The following EPCAM variants were observed in gnomAD, a reference collection of about 807,000 sequenced individuals.
EPCAM encodes the protein adenocarcinoma-associated antigen.
Under a neutral mutation model 40.0 loss-of-function variants are expected in EPCAM, and 39 were observed. The observed-to-expected ratio is 0.98, with a 90% CI of 0.76 to 1.27. The LOEUF (loss-of-function observed/expected upper bound fraction) is 1.27. Ranked by LOEUF, EPCAM falls within the 50% of genes most tolerant of loss-of-function variation. The pLI is 0.00. For synonymous variants in EPCAM, 168 were observed against 132.3 expected (o/e 1.27, Z -1.85); for missense variants, 503 against 381.2 (o/e 1.32, Z -2.66).
At chr2:47,380,887 G>A (rs1174732081) in intron 7 of EPCAM, among the ~76,000 whole-genome samples, 4 of 151,744 alleles carry the variant, frequency 2.6e-5, no homozygotes, top group Admixed American at 2.0e-4. Context: ...TCAGAAGTTC[G>A]AGACCAGCCT....
chr2:47,371,299 C>T (rs1463632791), intron 1 of EPCAM, among the ~76,000 whole-genome samples: 1 of 151,966 alleles, frequency 6.6e-6, no homozygotes, highest in Non-Finnish European at 1.5e-5. Context: ...CTCCGTCTGT[C>T]GTTCAGCCTG....
Position 47,376,313 on chromosome 2 carries a change from A to G in EPCAM, c.492-701A>G, listed in dbSNP as rs138150324. Among the ~76,000 whole-genome samples, 459 of 147,086 alleles carry G rather than the reference A, an allele frequency of 3.1e-3. 22 individuals are homozygous for G. The East Asian group carries it at 0.083, about 27-fold the overall frequency. On this transcript the variant is annotated intron_variant, in intron 4 of 8. Transcript: ENST00000263735. ...CTTTTGTTGCCCAGGCTGGAGTGCA[A>G]TGGTGCAATCACGGCTCACCGCAAC...
chr2:47,382,852 A>G (rs901666916), intron 7 of EPCAM, among the ~76,000 whole-genome samples: 3 of 152,194 alleles, frequency 2.0e-5, no homozygotes, highest in Non-Finnish European at 2.9e-5. Context: ...TGATGTTGAT[A>G]CAAGCTGTGC....
intron 7 of EPCAM, among the ~76,000 whole-genome samples, chr2:47,380,296 A>G (rs1304977970): frequency 1.3e-5 from 2 of 152,150 alleles, no homozygotes; most frequent in South Asian, 2.1e-4. Flanking sequence ...CAGCCTGGGC[A>G]ACACAGCAGG....
At chr2:47,380,175 A>T (rs1671551444) in intron 7 of EPCAM, among the ~76,000 whole-genome samples, 1 of 151,924 alleles carries the variant, frequency 6.6e-6, no homozygotes, top group Admixed American at 6.6e-5. Context: ...AATTAGTCAG[A>T]TGTGATGGCT....
In EPCAM at chr2:47,377,078, G is replaced by A; in HGVS notation, c.555+1G>A. ...TCCAAAATTTATCACGAGTATTTTG[G>A]TATGATTTTTTAATAAGTGAGCTTT... On this transcript the variant is annotated splice_donor_variant, in intron 5 of 8. Transcript: ENST00000263735. LOFTEE classifies it high-confidence loss of function. 6.3e-7 allele frequency: 1 copy of A among 1,597,778 alleles called. No individual in the cohort carries two copies. The highest frequency in any genetic ancestry group is 8.6e-7 in the Non-Finnish European group (1 of 1,165,136).
Position 47,378,381 on chromosome 2 carries a change from G to T in EPCAM, c.556-572G>T, listed in dbSNP as rs372827799. ...CAATGGCGCCATCTCGGCTCACCAC[G>T]ACTTTTGCCTCCCAGGTTCAAGCGA... On this transcript the variant is annotated intron_variant, in intron 5 of 8. Transcript: ENST00000263735. 5.6e-5 allele frequency among the ~76,000 whole-genome samples: 8 copies of T among 142,664 alleles called. No individual in the cohort carries two copies. In the East Asian group the frequency reaches 1.3e-3, roughly 23 times the overall value. 93.6% of individuals were successfully genotyped at this position (142,664 alleles called of 152,430 possible). A position where few individuals can be genotyped will look rare whatever the true frequency, so the allele number is the denominator to read the frequency against.
In EPCAM at chr2:47,373,494, A is replaced by C. The variant is rs201251927; in HGVS notation, c.108A>C (p.Val36=). The change falls in exon 2 of 9, where the codon GTA becomes GTC. Residue 36 remains valine, a synonymous_variant. Transcript: ENST00000263735. ...TCTGTGAAAACTACAAGCTGGCCGT[A>C]AACTGCTTTGTGAATAATAATCGTC... ...ECVCENYKLA[V]NCFVNNNRQC... The C allele has an allele frequency of 5.6e-6, 9 of 1,613,350 alleles. No individual in the cohort carries two copies. In the African/African-American group the frequency reaches 1.2e-4, roughly 22 times the overall value.
chr2:47,378,641 T>A (rs1031783778), intron 5 of EPCAM, among the ~76,000 whole-genome samples: 3 of 152,170 alleles, frequency 2.0e-5, no homozygotes, highest in Admixed American at 2.0e-4. Flanking sequence ...TTAAAGTAGT[T>A]CTAATCCAAA....
chr2:47,373,762 A>T (rs770646982), intron 2 of EPCAM, 46 bp from the exon 3 acceptor site: 2 of 1,612,942 alleles, frequency 1.2e-6, no homozygotes, highest in Admixed American at 3.3e-5. Context: ...TCCCGTAATC[A>T]TGAAATCAGT....
intron 5 of EPCAM, among the ~76,000 whole-genome samples, chr2:47,378,720 AT>A (rs1573399057): frequency 6.6e-6 from 1 of 152,162 alleles, no homozygotes; most frequent in East Asian, 1.9e-4. Flanking sequence ...AAAATTGTAC[AT>A]TGTAATTATG....
Position 47,376,926 on chromosome 2 carries a change from C to A in EPCAM, c.492-88C>A, listed in dbSNP as rs1298913402. On this transcript the variant is annotated intron_variant, in intron 4 of 8. Transcript: ENST00000263735. ...TTTTAACTTTAATGACAGTTTTAGACCCTGAGCTGTCTGCTTAAAGAGTAG... is the reference window on the plus strand; with the variant it reads ...TTTTAACTTTAATGACAGTTTTAGAACCTGAGCTGTCTGCTTAAAGAGTAG... 4.7e-6 allele frequency: 4 copies of A among 858,724 alleles called. No homozygotes were observed. In the African/African-American group the frequency reaches 5.0e-5, roughly 11 times the overall value. 53.2% of individuals were successfully genotyped at this position (858,724 alleles called of 1,614,324 possible). A position where few individuals can be genotyped will look rare whatever the true frequency, so the allele number is the denominator to read the frequency against.
intron 1 of EPCAM, among the ~76,000 whole-genome samples, chr2:47,372,291 A>G (rs1400125129): frequency 6.6e-6 from 1 of 152,148 alleles, no homozygotes; most frequent in African/African-American, 2.4e-5. Flanking sequence ...AGAGCAAGAG[A>G]AGGTGAGGAT....
Position 47,373,444 on chromosome 2 carries a change from T to G in EPCAM, c.77-19T>G, listed in dbSNP as rs767150078. ...AATAGATCCACATTTTAAAGTAGAT[T>G]TTTTTTTTAATTTTCTAGAATGTGT... On this transcript the variant is annotated intron_variant, in intron 1 of 8. Transcript: ENST00000263735. The G allele has an allele frequency of 2.0e-6, 3 of 1,512,874 alleles. No homozygotes were observed. The highest frequency in any genetic ancestry group is 2.7e-6 in the Non-Finnish European group (3 of 1,092,928). 93.7% of individuals were successfully genotyped at this position (1,512,874 alleles called of 1,614,324 possible).
At chr2:47,377,659 C>A in intron 5 of EPCAM, 1 of 302,098 alleles carries the variant, frequency 3.3e-6, no homozygotes, top group South Asian at 3.0e-5. Context: ...CCTGGAGAAC[C>A]TGTCCCTGTG....
Position 47,379,813 on chromosome 2 carries a change from A to C in EPCAM, c.702A>C (p.Thr234=). ...SLFHSKKMDL[T]VNGEQLDLDP... The stretch of plus-strand genomic sequence containing the variant: ...TTCATTCTAAGAAAATGGACCTGAC[A>C]GTAAATGGGGAACAACTGGATCTGG... Residue 234 remains threonine, a synonymous_variant, in exon 7 of 9, where the codon ACA becomes ACC. Transcript: ENST00000263735. 6.2e-7 allele frequency: 1 copy of C among 1,614,010 alleles called. No individual in the cohort carries two copies.
chr2:47,386,143 A>G (rs1043640514), intron 8 of EPCAM, among the ~76,000 whole-genome samples: 1 of 152,196 alleles, frequency 6.6e-6, no homozygotes, highest in East Asian at 1.9e-4. Flanking sequence ...TTGTCAACAG[A>G]GTGGTAGTTG....
intron 7 of EPCAM, among the ~76,000 whole-genome samples, chr2:47,382,429 A>G (rs1274147227): frequency 1.3e-5 from 2 of 152,270 alleles, no homozygotes; most frequent in East Asian, 1.9e-4. Flanking sequence ...GCTTACGCCT[A>G]TAATCCCAGC....
intron 5 of EPCAM, 141 bp downstream of exon 5, chr2:47,377,218 T>C: frequency 1.4e-6 from 1 of 713,636 alleles, no homozygotes; most frequent in Non-Finnish European, 2.6e-6. Flanking sequence ...TAATGTGAAT[T>C]TCCTGTTACT....
Sources: gnomAD v4.1 joint callset for allele counts (sites outside exome capture counted in the v4.1 genomes callset) on GRCh38, gnomAD v4.1.1 for gene constraint, MANE v1.5 for transcripts, NCBI Gene and HGNC (gene_info 2026-07-23, HGNC 2026-07-21) for gene names.